The following PRKN variants were observed in gnomAD, a reference collection of about 807,000 sequenced individuals.
The protein encoded by PRKN is parkin RBR E3 ubiquitin protein ligase.
PRKN carries 56 observed loss-of-function variants against 59.5 expected under a neutral mutation model. The observed-to-expected ratio is 0.94, with a 90% CI of 0.76 to 1.18. The LOEUF (loss-of-function observed/expected upper bound fraction) is 1.18. Ranked by LOEUF, PRKN falls within the 50% of genes most tolerant of loss-of-function variation. PRKN has a pLI of 0.00. For synonymous variants in PRKN, 250 were observed against 222.1 expected, an observed-to-expected ratio of 1.13 and a Z score of -1.12; for missense variants, 657 against 596.4, an observed-to-expected ratio of 1.10 and a Z score of -1.06.
At chr6:162,482,593 A>G (rs1404669731) in intron 1 of PRKN, among the ~76,000 whole-genome samples, 1 of 152,234 alleles carries the variant, frequency 6.6e-6, no homozygotes, top group African/African-American at 2.4e-5. Context: ...ACTATTTGTG[A>G]CATCTAATGT....
intron 7 of PRKN, among the ~76,000 whole-genome samples, chr6:161,692,211 A>T (rs1363111269): frequency 6.6e-6 from 1 of 152,168 alleles, no homozygotes; most frequent in Non-Finnish European, 1.5e-5. Flanking sequence ...TAAGATGGAA[A>T]TATGTGCTCT....
intron 5 of PRKN, among the ~76,000 whole-genome samples, chr6:162,044,473 C>T (rs1784180742): frequency 6.6e-6 from 1 of 152,198 alleles, no homozygotes; most frequent in South Asian, 2.1e-4. Flanking sequence ...AGCTCAACGT[C>T]TAATTTCCCA....
At chr6:161,580,325 A>G (rs1781286338) in intron 7 of PRKN, among the ~76,000 whole-genome samples, 1 of 152,160 alleles carries the variant, frequency 6.6e-6, no homozygotes, top group African/African-American at 2.4e-5. Flanking sequence ...CAAGTGTTCA[A>G]CCAGGTGCCT....
chr6:162,134,248 C>G (rs191208017), intron 4 of PRKN, among the ~76,000 whole-genome samples: 50 of 152,252 alleles, frequency 3.3e-4, no homozygotes, highest in Non-Finnish European at 2.2e-4. Flanking sequence ...TATACAATGT[C>G]ACCACCAGAG....
At chr6:162,177,466 C>T (rs1783592713) in intron 4 of PRKN, among the ~76,000 whole-genome samples, 1 of 152,058 alleles carries the variant, frequency 6.6e-6, no homozygotes, top group African/African-American at 2.4e-5. Flanking sequence ...TTATTTGTCA[C>T]ATAAAATTTA....
chr6:162,240,922 T>C (rs1339207464), intron 3 of PRKN, among the ~76,000 whole-genome samples: 1 of 152,218 alleles, frequency 6.6e-6, no homozygotes, highest in African/African-American at 2.4e-5. Context: ...GAATGATGTT[T>C]TGAAGAAGGT....
intron 5 of PRKN, among the ~76,000 whole-genome samples, chr6:162,008,418 G>A (rs1782346628): frequency 6.6e-6 from 1 of 152,152 alleles, no homozygotes; most frequent in African/African-American, 2.4e-5. Context: ...AGAAAATGGA[G>A]AAAGAGGTAA....
chr6:161,590,049 G>C (rs1290678342), intron 7 of PRKN, among the ~76,000 whole-genome samples: 1 of 151,652 alleles, frequency 6.6e-6, no homozygotes, highest in East Asian at 1.9e-4. Flanking sequence ...TTGGCTTCCT[G>C]AAGTGCTGAG....
chr6:162,246,367 C>A (rs558111812), intron 3 of PRKN, among the ~76,000 whole-genome samples: 2 of 152,244 alleles, frequency 1.3e-5, no homozygotes, highest in East Asian at 3.9e-4. Context: ...AGAAAGAAAG[C>A]AAACCTACAA....
intron 6 of PRKN, among the ~76,000 whole-genome samples, chr6:161,871,341 A>G (rs1794333699): frequency 6.6e-6 from 1 of 152,098 alleles, no homozygotes. Flanking sequence ...TTTAAGGAAC[A>G]TGAAGAAAGA....
At chr6:161,636,270 A>G (rs1049669352) in intron 7 of PRKN, among the ~76,000 whole-genome samples, 4 of 152,194 alleles carry the variant, frequency 2.6e-5, no homozygotes, top group Non-Finnish European at 4.4e-5. Context: ...CAGGATGTGC[A>G]TATTTGTCTC....
At chr6:162,586,571 T>C (rs1781068794) in intron 1 of PRKN, among the ~76,000 whole-genome samples, 1 of 152,196 alleles carries the variant, frequency 6.6e-6, no homozygotes, top group African/African-American at 2.4e-5. Context: ...TCCTCTCCAA[T>C]ATGACTATGA....
At position 161,497,060 on chromosome 6, in the gene PRKN, G is replaced by A. The variant is rs9456678; in HGVS notation, c.1083+51794C>T. On this transcript the variant is annotated intron_variant, in intron 9 of 11. Transcript: ENST00000366898. The surrounding 1 kb of genome is among the most constrained non-coding windows in gnomAD (Gnocchi z 4.6). ...GCAAATACATCAAGGCAGAAAACCC[G>A]TCACAAACCTGCTGGCATGCCCGTT... Among the ~76,000 whole-genome samples the A allele has an allele frequency of 8.6e-3, 1,305 of 152,300 alleles. 24 individuals carry two copies. Among genetic ancestry groups the A allele is most frequent in the African/African-American group, 0.029 (1,225 of 41,572 alleles).
Position 161,593,351 on chromosome 6 carries a change from A to G in PRKN, c.872-23935T>C, listed in dbSNP as rs180757256. On this transcript the variant is annotated intron_variant, in intron 7 of 11. Coordinates refer to ENST00000366898, the MANE Select transcript of PRKN (RefSeq NM_004562.3). The surrounding 1 kb of genome is among the most constrained non-coding windows in gnomAD (Gnocchi z 4.8). ...AATGGATGAGGACAGTGAGGCAGGG[A>G]AAGGTGCATAAACCTGCCCAGTGTC... is the stretch of plus-strand genomic sequence containing the variant. 4.0e-4 allele frequency among the ~76,000 whole-genome samples: 61 copies of G among 152,258 alleles called. No individual in the cohort carries two copies. In the East Asian group the frequency reaches 0.012, roughly 29 times the overall value.
chr6:161,870,183 T>A (rs973926325), intron 6 of PRKN, among the ~76,000 whole-genome samples: 30 of 152,102 alleles, frequency 2.0e-4, no homozygotes, highest in African/African-American at 7.2e-4. Context: ...GACAGAGAAG[T>A]ACGTTTCCTA....
intron 1 of PRKN, among the ~76,000 whole-genome samples, chr6:162,612,240 A>G (rs1304240862): frequency 2.6e-5 from 4 of 151,254 alleles, no homozygotes; most frequent in Non-Finnish European, 4.4e-5. Context: ...ATTTATAATA[A>G]TAGAACTTAA....
At chr6:161,955,591 C>T (rs1443950329) in intron 6 of PRKN, among the ~76,000 whole-genome samples, 1 of 152,228 alleles carries the variant, frequency 6.6e-6, no homozygotes, top group African/African-American at 2.4e-5. Context: ...TGGCTCACGC[C>T]TGTGATCCCT....
chr6:162,158,852 G>A (rs1399707642), intron 4 of PRKN, among the ~76,000 whole-genome samples: 1 of 151,964 alleles, frequency 6.6e-6, no homozygotes, highest in East Asian at 1.9e-4. Context: ...CGTATGAGCA[G>A]TCTCTAGTCC....
rs1181763828 is a variant in PRKN at position 161,363,380 on chromosome 6, T to C, written c.1168-3175A>G. On this transcript the variant is annotated intron_variant, in intron 10 of 11. Coordinates refer to ENST00000366898, the MANE Select transcript of PRKN (RefSeq NM_004562.3). This position sits in a 1 kb window ranked among gnomAD's most constrained non-coding sequence, Gnocchi z 4.1. ...GAAACAAATTTCTTTGTTTTGTCCATTTTTCTGGACATGAAACACTAATAA... is the reference window on the plus strand; with the variant it reads ...GAAACAAATTTCTTTGTTTTGTCCACTTTTCTGGACATGAAACACTAATAA... 1.3e-5 allele frequency among the ~76,000 whole-genome samples: 2 copies of C among 152,194 alleles called. No individual in the cohort carries two copies. The highest frequency in any genetic ancestry group is 2.9e-5 in the Non-Finnish European group (2 of 68,032).
Sources: gnomAD v4.1 joint callset for allele counts (sites outside exome capture counted in the v4.1 genomes callset) on GRCh38, gnomAD v4.1.1 for gene constraint, Gnocchi (gnomAD v3.1) non-coding constraint, MANE v1.5 for transcripts, NCBI Gene and HGNC (gene_info 2026-07-23, HGNC 2026-07-21) for gene names.